Variants in PCDHGB1 observed in about 807,000 individuals in gnomAD.
PCDHGB1 encodes protocadherin gamma-B1.
In PCDHGB1, 34 loss-of-function variants were observed where a neutral mutation model predicts 56.6. That is an observed-to-expected ratio of 0.60 (90% CI 0.46 to 0.80). The LOEUF (loss-of-function observed/expected upper bound fraction) is 0.80, where lower values mean the gene tolerates loss of function less well. Among genes scored for constraint, PCDHGB1 ranks in the 30% least tolerant of loss-of-function variants. PCDHGB1 has a pLI of 0.00. For missense variants in PCDHGB1, 1,278 were observed against 1,204.6 expected, an observed-to-expected ratio of 1.06 and a Z score of -0.90; for synonymous variants, 561 against 505.9, an observed-to-expected ratio of 1.11 and a Z score of -1.46.
intron 2 of PCDHGB1, among the ~76,000 whole-genome samples, chr5:141,501,877 A>G (rs1267260445): frequency 1.3e-5 from 2 of 151,690 alleles, no homozygotes; most frequent in East Asian, 3.9e-4. Flanking sequence ...GCCTCCTTAC[A>G]CTCCTGATCA....
intron 2 of PCDHGB1, among the ~76,000 whole-genome samples, chr5:141,495,623 C>T (rs990126072): frequency 3.3e-5 from 5 of 152,208 alleles, no homozygotes; most frequent in South Asian, 2.1e-4. Context: ...GCACCTCAGC[C>T]TCAGTCCCTT....
intron 1 of PCDHGB1, among the ~76,000 whole-genome samples, chr5:141,354,854 G>A (rs1343245672): frequency 6.6e-6 from 1 of 152,118 alleles, no homozygotes; most frequent in African/African-American, 2.4e-5. Context: ...AATTTTCATT[G>A]CAAATCAAAA....
intron 1 of PCDHGB1, chr5:141,361,032 A>G: frequency 6.2e-7 from 1 of 1,613,436 alleles, no homozygotes. Flanking sequence ...AAAAAACAGG[A>G]GAAATCACGA....
Position 141,360,234 on chromosome 5 carries a change from C to T in PCDHGB1, c.2409+7565C>T, listed in dbSNP as rs774582698. The T allele has an allele frequency of 3.1e-6, 5 of 1,613,870 alleles. No individual in the cohort carries two copies. The South Asian group carries it at 5.5e-5, about 18-fold the overall frequency. On this transcript the variant is annotated intron_variant, in intron 1 of 3. Transcript: ENST00000523390. ...TCCCCGGGGCTCTCCCAGTCCAGAT[C>T]CGCTATTCAATTCCAGAGGAGCTGG...
chr5:141,375,973 C>T (rs577451422), intron 1 of PCDHGB1: 6 of 1,613,256 alleles, frequency 3.7e-6, no homozygotes, highest in Non-Finnish European at 4.2e-6. Context: ...GCACGGCGCG[C>T]GCCCTGCTGG....
chr5:141,490,726 AATCAGG>A lies in PCDHGB1; in HGVS notation c.2410-4080_2410-4075del. The A allele has an allele frequency of 6.2e-7, 1 of 1,614,202 alleles. No homozygotes were observed. The highest frequency in any genetic ancestry group is 8.5e-7 in the Non-Finnish European group (1 of 1,180,032). On this transcript the variant is annotated intron_variant, in intron 1 of 3. Transcript: ENST00000523390. This position sits in a 1 kb window ranked among gnomAD's most constrained non-coding sequence, Gnocchi z 5.4. Reference sequence around the variant, plus strand: ...CCGCCTCACCTACTCCATTGTAGGAAATCAGGTTCAGGGAGCCCCAGCCTCCTCCTT... The same window carrying A: ...CCGCCTCACCTACTCCATTGTAGGAATTCAGGGAGCCCCAGCCTCCTCCTT...
chr5:141,389,780 C>T (rs746524585), intron 1 of PCDHGB1: 1 of 1,613,310 alleles, frequency 6.2e-7, no homozygotes, highest in South Asian at 1.1e-5. Flanking sequence ...CCTTAGGCGA[C>T]AGGGACGCCG....
intron 1 of PCDHGB1, chr5:141,371,432 G>A (rs751667760): frequency 1.9e-6 from 3 of 1,614,002 alleles, no homozygotes; most frequent in South Asian, 1.1e-5. Context: ...ATGCCCCGGA[G>A]ATAACCCTGG....
At chr5:141,422,217 C>T (rs1207888890) in intron 1 of PCDHGB1, 2 of 1,563,582 alleles carry the variant, frequency 1.3e-6, no homozygotes, top group Admixed American at 2.0e-5. Context: ...GTCTCTTTAC[C>T]ACCACGACGA....
intron 1 of PCDHGB1, chr5:141,378,481 C>A (rs975283855): frequency 6.6e-6 from 1 of 152,178 alleles, no homozygotes; most frequent in East Asian, 1.9e-4. Flanking sequence ...CAAGATCGTG[C>A]CACTGCACTC....
rs1378433689 is a variant in PCDHGB1, at chr5:141,409,139, G to A, written c.2409+56470G>A. Reference sequence around the variant, plus strand: ...CCAGTCATTTGATTTTGAAGATGTAGAAAGGTACACCATGGAAGTGGAAGC... The same window carrying A: ...CCAGTCATTTGATTTTGAAGATGTAAAAAGGTACACCATGGAAGTGGAAGC... On this transcript the variant is annotated intron_variant, in intron 1 of 3. Transcript: ENST00000523390. 5.6e-6 allele frequency: 9 copies of A among 1,613,894 alleles called. No homozygotes were observed. In the Admixed American group the frequency reaches 1.5e-4, roughly 27 times the overall value.
intron 1 of PCDHGB1, chr5:141,419,386 G>T: frequency 2.5e-6 from 4 of 1,613,650 alleles, no homozygotes; most frequent in Non-Finnish European, 3.4e-6. Context: ...CCGTGAGCGC[G>T]CAGAGCGGGG....
At chr5:141,388,858 T>C (rs1217000654) in intron 1 of PCDHGB1, 1 of 1,613,984 alleles carries the variant, frequency 6.2e-7, no homozygotes, top group Non-Finnish European at 8.5e-7. Context: ...GGTGGAGGAA[T>C]GATTGCGCAA....
intron 1 of PCDHGB1, chr5:141,418,910 T>C: frequency 6.2e-7 from 1 of 1,613,936 alleles, no homozygotes; most frequent in East Asian, 2.2e-5. Flanking sequence ...AATCATCACG[T>C]CACTCTCTGA....
At chr5:141,412,233 A>T (rs866840267) in intron 1 of PCDHGB1, 1 of 152,256 alleles carries the variant, frequency 6.6e-6, no homozygotes, top group Non-Finnish European at 1.5e-5. Context: ...TTAAAAACCT[A>T]TATCACTACA....
intron 3 of PCDHGB1, among the ~76,000 whole-genome samples, chr5:141,506,444 C>CAA (rs1219684339): frequency 1.2e-3 from 116 of 94,976 alleles, no homozygotes; most frequent in African/African-American, 4.2e-3. Flanking sequence ...CGCTCTGTCT[C>CAA]AAAAAAAAAA....
chr5:141,473,048 A>T (rs1295750830), intron 1 of PCDHGB1, among the ~76,000 whole-genome samples: 4 of 151,992 alleles, frequency 2.6e-5, no homozygotes, highest in Non-Finnish European at 5.9e-5. Flanking sequence ...GAAAGAAAGA[A>T]GTGATACAAC....
chr5:141,501,374 T>A (rs2099808767), intron 2 of PCDHGB1, among the ~76,000 whole-genome samples: 1 of 151,106 alleles, frequency 6.6e-6, no homozygotes. Context: ...CATCATCTCT[T>A]AAATCCTAGG....
Position 141,394,739 on chromosome 5 carries a change from C to A in PCDHGB1, c.2409+42070C>A, listed in dbSNP as rs377359689. 7.4e-6 allele frequency: 12 copies of A among 1,613,272 alleles called. No individual in the cohort carries two copies. In the African/African-American group the frequency reaches 1.2e-4, roughly 16 times the overall value. ...ACAGAGATGCGCTCAAGCAGAGCCT[C>A]GTGGTGGCCGTCCAGGACCATGGCC... On this transcript the variant is annotated intron_variant, in intron 1 of 3. Coordinates refer to ENST00000523390, the MANE Select transcript of PCDHGB1 (RefSeq NM_018922.3).
Sources: gnomAD v4.1 joint callset for allele counts (sites outside exome capture counted in the v4.1 genomes callset) on GRCh38, gnomAD v4.1.1 for gene constraint, Gnocchi (gnomAD v3.1) non-coding constraint, MANE v1.5 for transcripts, NCBI Gene and HGNC (gene_info 2026-07-23, HGNC 2026-07-21) for gene names.